Variants in HMGB1 observed in about 807,000 individuals in gnomAD.
HMGB1 encodes high mobility group protein B1.
For synonymous variants in HMGB1, 81 were observed against 84.0 expected (o/e 0.96, Z 0.19); for missense variants, 79 against 253.5 (o/e 0.31, Z 4.67).
intron 1 of HMGB1, among the ~76,000 whole-genome samples, chr13:30,605,378 A>G (rs1950447590): frequency 6.6e-6 from 1 of 152,238 alleles, no homozygotes; most frequent in Non-Finnish European, 1.5e-5. Flanking sequence ...ACGAGATCCG[A>G]GCCCAGAGGC....
At chr13:30,517,116 G>A (rs1464133486) in intron 1 of HMGB1, among the ~76,000 whole-genome samples, 1 of 152,224 alleles carries the variant, frequency 6.6e-6, no homozygotes, top group Non-Finnish European at 1.5e-5. Context: ...TCTTGGTCTA[G>A]TTCAGTGGTT....
At chr13:30,550,131 A>AT (rs1869356127) in intron 1 of HMGB1, among the ~76,000 whole-genome samples, 1 of 148,780 alleles carries the variant, frequency 6.7e-6, no homozygotes, top group Non-Finnish European at 1.5e-5. Flanking sequence ...TTAAAATCCT[A>AT]TATTTTCCTT....
At position 30,462,673 on chromosome 13, in the gene HMGB1, T is replaced by C; in HGVS notation, c.336A>G (p.Lys112=). 12 of 1,613,486 alleles carry C rather than the reference T, an allele frequency of 7.4e-6. No individual in the cohort carries two copies. The highest frequency in any genetic ancestry group is 1.0e-5 in the Non-Finnish European group (12 of 1,179,610). Residue 112 remains lysine (K), a synonymous_variant, in exon 4 of 5, where the codon AAA becomes AAG. Transcript: ENST00000341423. ...FFLFCSEYRP[K]IKGEHPGLSI... ...ACAGGCCAGGATGTTCTCCTTTGAT[T>C]TTTGGGCGATACTCAGAGCAGAAGA...
rs1408902706 is a variant in HMGB1 at position 30,457,663 on chromosome 13, T to A, written c.*3694A>T. The A allele has an allele frequency of 6.6e-6, 1 of 152,250 alleles. No homozygotes were observed. Among genetic ancestry groups the A allele is most frequent in the African/African-American group, 2.4e-5 (1 of 41,470 alleles). The allele number at this position is 152,250 out of a possible 1,614,324, so 9.4% of individuals were successfully genotyped here. A position where few individuals can be genotyped will look rare whatever the true frequency, so the allele number is the denominator to read the frequency against. On this transcript the variant is annotated 3_prime_UTR_variant, in exon 5 of 5. Coordinates refer to ENST00000341423, the MANE Select transcript of HMGB1 (RefSeq NM_002128.7). ...GAGATTACCTTAGACTGAACCCCCC[T>A]GGAAGACGAGCATTACATATTCTGG...
rs148272719 is a variant in HMGB1 at position 30,493,546 on chromosome 13, G to A, written c.-14-29852C>T. On this transcript the variant is annotated intron_variant, in intron 1 of 4. Coordinates refer to the HMGB1 transcript ENST00000405805. ...GCAGTGGCTCACGCCTGTAATCCTAGCACTTTGGAGGCCAAAGCGGGAGGA... is the reference window on the plus strand; with the variant it reads ...GCAGTGGCTCACGCCTGTAATCCTAACACTTTGGAGGCCAAAGCGGGAGGA... Among the ~76,000 whole-genome samples, 1,246 of 152,282 alleles carry A rather than the reference G, an allele frequency of 8.2e-3. 7 individuals are homozygous for A. Among genetic ancestry groups the A allele is most frequent in the Middle Eastern group, 0.034 (10 of 294 alleles).
At chr13:30,514,840 G>A (rs1593285273) in intron 1 of HMGB1, among the ~76,000 whole-genome samples, 1 of 152,126 alleles carries the variant, frequency 6.6e-6, no homozygotes, top group South Asian at 2.1e-4. Flanking sequence ...GTACTGGGAT[G>A]TGTATTACAC....
intron 1 of HMGB1, among the ~76,000 whole-genome samples, chr13:30,583,696 G>T (rs1179120596): frequency 4.6e-5 from 7 of 151,642 alleles, no homozygotes; most frequent in African/African-American, 1.7e-4. Flanking sequence ...AAAATTAGCT[G>T]GGCATGGTGG....
chr13:30,589,154 T>C (rs1416989507), intron 1 of HMGB1, among the ~76,000 whole-genome samples: 1 of 151,650 alleles, frequency 6.6e-6, no homozygotes, highest in Non-Finnish European at 1.5e-5. Flanking sequence ...TACAGGCATG[T>C]GCCATCATGC....
chr13:30,558,531 A>G (rs1042903149), intron 1 of HMGB1, among the ~76,000 whole-genome samples: 1 of 152,192 alleles, frequency 6.6e-6, no homozygotes. Flanking sequence ...AGATGAAAAA[A>G]TGTTCAACCT....
intron 1 of HMGB1, among the ~76,000 whole-genome samples, chr13:30,527,442 C>G (rs892171193): frequency 2.0e-5 from 3 of 152,084 alleles, no homozygotes; most frequent in African/African-American, 7.2e-5. Context: ...CCTCTTCCCA[C>G]CTTCCTCAGA....
intron 1 of HMGB1, among the ~76,000 whole-genome samples, chr13:30,567,389 G>A (rs1363774194): frequency 6.7e-5 from 10 of 149,488 alleles, no homozygotes. Flanking sequence ...CTGTCACCAG[G>A]CTGGAGTGCA....
intron 1 of HMGB1, among the ~76,000 whole-genome samples, chr13:30,496,749 T>C (rs948634687): frequency 6.6e-6 from 1 of 152,190 alleles, no homozygotes; most frequent in Non-Finnish European, 1.5e-5. Context: ...TTCTTGAAAC[T>C]TGGAGTCATT....
At chr13:30,506,923 T>C (rs758837389) in intron 1 of HMGB1, among the ~76,000 whole-genome samples, 19 of 152,160 alleles carry the variant, frequency 1.2e-4, no homozygotes, top group Admixed American at 2.6e-4. Context: ...AGGAAATGTG[T>C]GTCAGAAAAT....
intron 1 of HMGB1, among the ~76,000 whole-genome samples, chr13:30,502,729 GCTCACTGCAACCTCCAC>G (rs2137454027): frequency 6.6e-6 from 1 of 151,750 alleles, no homozygotes; most frequent in East Asian, 1.9e-4. Flanking sequence ...CACAATCCCG[GCTCACTGCAACCTCCAC>G]CTCACTGCAA....
chr13:30,530,237 G>A (rs1164277179), intron 1 of HMGB1, among the ~76,000 whole-genome samples: 2 of 152,058 alleles, frequency 1.3e-5, no homozygotes, highest in African/African-American at 4.8e-5. Context: ...TTACCTTCAG[G>A]CTACCTGTAT....
intron 1 of HMGB1, among the ~76,000 whole-genome samples, chr13:30,550,039 T>A (rs975289305): frequency 6.6e-6 from 1 of 152,200 alleles, no homozygotes; most frequent in African/African-American, 2.4e-5. Flanking sequence ...TTTTAAAGCA[T>A]GTGATGTTAG....
rs1168529565 is a variant in HMGB1 at position 30,460,648 on chromosome 13, G to GT, written c.*708dup. On this transcript the variant is annotated 3_prime_UTR_variant, in exon 5 of 5. Transcript: ENST00000341423. Reference sequence around the variant, plus strand: ...ATTGATTACTCTTCAGTTTGTAAATGTAAGTGGGCTATGTGAAATTTCTTA... The same window carrying GT: ...ATTGATTACTCTTCAGTTTGTAAATGTTAAGTGGGCTATGTGAAATTTCTTA... The GT allele has an allele frequency of 2.6e-5, 4 of 152,570 alleles. No individual in the cohort carries two copies. Among genetic ancestry groups the GT allele is most frequent in the East Asian group, 3.8e-4 (2 of 5,204 alleles). The allele number at this position is 152,570 out of a possible 1,614,324, so 9.5% of individuals were successfully genotyped here.
At chr13:30,612,389 G>C (rs1950520943) in intron 1 of HMGB1, among the ~76,000 whole-genome samples, 1 of 152,168 alleles carries the variant, frequency 6.6e-6, no homozygotes, top group South Asian at 2.1e-4. Context: ...GTTATGTAAA[G>C]AAAAGGGGAC....
chr13:30,566,202 A>T (rs1444389203), intron 1 of HMGB1, among the ~76,000 whole-genome samples: 1 of 152,222 alleles, frequency 6.6e-6, no homozygotes, highest in Non-Finnish European at 1.5e-5. Context: ...GTGAGTCCCT[A>T]CTTTCCTCAG....
Sources: allele counts gnomAD v4.1 joint callset (sites outside exome capture counted in the v4.1 genomes callset), GRCh38; gene constraint gnomAD v4.1.1; transcripts MANE v1.5; gene names NCBI Gene and HGNC (gene_info 2026-07-23, HGNC 2026-07-21).